DGKB: variants seen among roughly 807,000 people sequenced by gnomAD.
The protein encoded by DGKB is diacylglycerol kinase beta.
DGKB carries 67 observed loss-of-function variants against 114.3 expected under a neutral mutation model. That is an observed-to-expected ratio of 0.59 (90% confidence interval 0.48 to 0.72). DGKB has a LOEUF of 0.72. Ranked by LOEUF, DGKB falls within the 30% of genes least tolerant of loss-of-function variation. The pLI, the probability that DGKB is intolerant of heterozygous loss-of-function variation, is 0.00. For synonymous variants in DGKB, 398 were observed against 323.1 expected (o/e 1.23, Z -2.49); for missense variants, 907 against 975.2 (o/e 0.93, Z 0.93).
intron 22 of DGKB, among the ~76,000 whole-genome samples, chr7:14,343,035 G>A (rs934096775): frequency 1.3e-5 from 2 of 151,608 alleles, no homozygotes; most frequent in African/African-American, 2.4e-5. Flanking sequence ...TCAAATTTTC[G>A]AATTTCTGTT....
At position 14,918,960 on chromosome 7, in the gene DGKB, G is replaced by A. The variant is rs559455369; in HGVS notation, c.-188+55736C>T. On this transcript the variant is annotated intron_variant, in intron 1 of 4. Coordinates refer to the DGKB transcript ENST00000437998. ...TGCCTGTAATCCCAGCTACTCAGGA[G>A]GCTGAGGCAGGAGAATCGTTTGAAC... is the stretch of plus-strand genomic sequence containing the variant. Among the ~76,000 whole-genome samples, 221 of 151,938 alleles carry A rather than the reference G, an allele frequency of 1.5e-3. 2 individuals carry two copies. Among genetic ancestry groups the A allele is most frequent in the African/African-American group, 5.3e-3 (218 of 41,444 alleles).
intron 6 of DGKB, 110 bp from the exon 7 acceptor site, chr7:14,701,840 T>C (rs1263609553): frequency 1.4e-6 from 1 of 698,582 alleles, no homozygotes; most frequent in Admixed American, 2.5e-5. Flanking sequence ...ACTAAATTCC[T>C]CTCCTGCTCC....
intron 22 of DGKB, among the ~76,000 whole-genome samples, chr7:14,343,102 A>G (rs999440082): frequency 1.3e-5 from 2 of 150,564 alleles, no homozygotes; most frequent in African/African-American, 2.4e-5. Context: ...TTCTGCTAAT[A>G]TGATAGACAG....
At chr7:14,536,625 C>T (rs959790343) in intron 20 of DGKB, among the ~76,000 whole-genome samples, 3 of 152,126 alleles carry the variant, frequency 2.0e-5, no homozygotes, top group South Asian at 2.1e-4. Context: ...CTCTCTCATG[C>T]TAAACCACTC....
At chr7:14,379,133 C>T (rs1818974843) in intron 21 of DGKB, among the ~76,000 whole-genome samples, 1 of 151,680 alleles carries the variant, frequency 6.6e-6, no homozygotes, top group Non-Finnish European at 1.5e-5. Flanking sequence ...TTTCCCATTA[C>T]ACTAGACTTC....
chr7:14,284,227 A>G (rs1800453255), intron 23 of DGKB, among the ~76,000 whole-genome samples: 1 of 149,736 alleles, frequency 6.7e-6, no homozygotes, highest in Admixed American at 6.6e-5. Flanking sequence ...TCTCAAAAGA[A>G]GACACTTATG....
chr7:14,561,968 G>T (rs1796719689), intron 20 of DGKB, among the ~76,000 whole-genome samples: 1 of 152,164 alleles, frequency 6.6e-6, no homozygotes, highest in Admixed American at 6.5e-5. Flanking sequence ...CTCATCACAG[G>T]CCTGGGGGCC....
chr7:14,624,161 T>C (rs1563711962), intron 14 of DGKB, among the ~76,000 whole-genome samples: 1 of 152,152 alleles, frequency 6.6e-6, no homozygotes, highest in Non-Finnish European at 1.5e-5. Flanking sequence ...TATTTAAAAT[T>C]TAAAAGTTCA....
chr7:14,350,740 C>G (rs1813294645), intron 21 of DGKB, among the ~76,000 whole-genome samples: 1 of 151,410 alleles, frequency 6.6e-6, no homozygotes, highest in African/African-American at 2.4e-5. Flanking sequence ...GCATCGTTAA[C>G]TAAGCGATTT....
chr7:14,549,785 G>A (rs1019469453), intron 20 of DGKB, among the ~76,000 whole-genome samples: 9 of 152,034 alleles, frequency 5.9e-5, no homozygotes, highest in African/African-American at 2.2e-4. Context: ...TCAAGAGATC[G>A]AGACCATCCT....
intron 1 of DGKB, among the ~76,000 whole-genome samples, chr7:14,953,090 T>A (rs1238435080): frequency 6.6e-6 from 1 of 152,028 alleles, no homozygotes; most frequent in Non-Finnish European, 1.5e-5. Context: ...CATGTAAGTA[T>A]AAAAACTATA....
intron 1 of DGKB, among the ~76,000 whole-genome samples, chr7:14,901,283 G>C (rs895837085): frequency 6.6e-6 from 1 of 152,184 alleles, no homozygotes; most frequent in African/African-American, 2.4e-5. Context: ...TGGTGGATTA[G>C]AGAAAGAGTA....
Position 14,738,179 on chromosome 7 carries a change from G to A in DGKB, c.169-1985C>T, listed in dbSNP as rs541486978. On this transcript the variant is annotated intron_variant, in intron 4 of 25. Transcript: ENST00000402815. The stretch of plus-strand genomic sequence containing the variant: ...AGAAGTATTCCACATTCATTTGGGT[G>A]AGTGACCAAAATTGATAGCTAATCT... 1.2e-4 allele frequency among the ~76,000 whole-genome samples: 18 copies of A among 152,348 alleles called. No individual in the cohort carries two copies. In the South Asian group the frequency reaches 3.7e-3, roughly 32 times the overall value.
intron 6 of DGKB, among the ~76,000 whole-genome samples, chr7:14,703,054 T>C (rs1022048834): frequency 1.1e-3 from 13 of 11,904 alleles, no homozygotes; most frequent in African/African-American, 1.4e-3. Context: ...TCTCATACAG[T>C]CAATAAATAA....
At chr7:14,341,276 C>A (rs1811560205) in intron 22 of DGKB, among the ~76,000 whole-genome samples, 2 of 151,782 alleles carry the variant, frequency 1.3e-5, no homozygotes, top group African/African-American at 4.8e-5. Flanking sequence ...AGGCTACCTT[C>A]CTCTGTTTGC....
chr7:14,918,705 T>C (rs1413314840), intron 1 of DGKB, among the ~76,000 whole-genome samples: 12 of 152,142 alleles, frequency 7.9e-5, no homozygotes, highest in Non-Finnish European at 1.8e-4. Flanking sequence ...ACTTGATCTA[T>C]GGAATCAATG....
At chr7:14,693,146 A>C (rs1428858604) in intron 9 of DGKB, among the ~76,000 whole-genome samples, 1 of 152,154 alleles carries the variant, frequency 6.6e-6, no homozygotes, top group African/African-American at 2.4e-5. Context: ...GTTTGGCAGC[A>C]AAGTGGTGAA....
chr7:14,688,157 G>C (rs774659928), intron 9 of DGKB, among the ~76,000 whole-genome samples: 7 of 151,460 alleles, frequency 4.6e-5, no homozygotes, highest in Non-Finnish European at 7.4e-5. Flanking sequence ...TAATGGGGGA[G>C]GGAAAGAATC....
chr7:14,529,723 AT>A (rs1791246287), intron 20 of DGKB, among the ~76,000 whole-genome samples: 1 of 151,772 alleles, frequency 6.6e-6, no homozygotes, highest in South Asian at 2.1e-4. Context: ...TAATATCATA[AT>A]TTTTTAGTGA....
Sources: gnomAD v4.1 joint callset for allele counts (sites outside exome capture counted in the v4.1 genomes callset) on GRCh38, gnomAD v4.1.1 for gene constraint, MANE v1.5 for transcripts, NCBI Gene and HGNC (gene_info 2026-07-23, HGNC 2026-07-21) for gene names.